The following PLEKHA7 variants were observed in gnomAD, a reference collection of about 807,000 sequenced individuals.
PLEKHA7 encodes the protein pleckstrin homology domain-containing family A member 7.
In PLEKHA7, 104 loss-of-function variants were observed where a neutral mutation model predicts 170.0. That is an observed-to-expected ratio of 0.61 (90% CI 0.52 to 0.72). PLEKHA7 has a LOEUF of 0.72. Among genes scored for constraint, PLEKHA7 ranks in the 30% least tolerant of loss-of-function variants. The pLI is 0.00. For synonymous variants in PLEKHA7, 648 were observed against 660.8 expected, an observed-to-expected ratio of 0.98 and a Z score of 0.30; for missense variants, 1,615 against 1,671.7, an observed-to-expected ratio of 0.97 and a Z score of 0.59.
At chr11:16,797,128 G>A (rs1848288229) in intron 17 of PLEKHA7, among the ~76,000 whole-genome samples, 1 of 152,176 alleles carries the variant, frequency 6.6e-6, no homozygotes, top group African/African-American at 2.4e-5. Context: ...ATATGATCAT[G>A]TGCATTCTGA....
intron 9 of PLEKHA7, among the ~76,000 whole-genome samples, chr11:16,830,409 G>A (rs1851019929): frequency 6.6e-6 from 1 of 152,214 alleles, no homozygotes; most frequent in Non-Finnish European, 1.5e-5. Context: ...TGAAGATTTA[G>A]AATCTTGCAT....
chr11:16,901,426 G>A (rs1488237310), intron 3 of PLEKHA7, among the ~76,000 whole-genome samples: 1 of 152,036 alleles, frequency 6.6e-6, no homozygotes, highest in Admixed American at 6.6e-5. Context: ...ACTGCATGGG[G>A]GTTTATCCTT....
At chr11:16,831,107 T>C (rs952083651) in intron 9 of PLEKHA7, among the ~76,000 whole-genome samples, 1 of 152,130 alleles carries the variant, frequency 6.6e-6, no homozygotes, top group South Asian at 2.1e-4. Context: ...CCTGAAGACT[T>C]TGGGGTTATG....
intron 10 of PLEKHA7, 94 bp downstream of exon 10, chr11:16,826,026 G>A: frequency 1.6e-6 from 2 of 1,281,838 alleles, no homozygotes; most frequent in Non-Finnish European, 2.2e-6. Flanking sequence ...AGAGTTTAAG[G>A]CTGCCCTTAC....
intron 13 of PLEKHA7, among the ~76,000 whole-genome samples, chr11:16,807,391 G>A (rs1590183184): frequency 6.6e-6 from 1 of 152,196 alleles, no homozygotes; most frequent in East Asian, 1.9e-4. Flanking sequence ...TACTTCCATG[G>A]GACCGTGGAT....
At position 16,789,424 on chromosome 11, in the gene PLEKHA7, C is replaced by T. The variant is rs996021382; in HGVS notation, c.3157-128G>A. The T allele has an allele frequency of 1.1e-4, 99 of 882,350 alleles. No individual in the cohort carries two copies. Among genetic ancestry groups the T allele is most frequent in the Non-Finnish European group, 1.6e-4 (92 of 568,108 alleles). The allele number at this position is 882,350 out of a possible 1,614,324, so 54.7% of individuals were successfully genotyped here. A position where few individuals can be genotyped will look rare whatever the true frequency, so the allele number is the denominator to read the frequency against. ...ACATGCACACTCTAGTTGGGCTCCT[C>T]TTGGCCTTAGAGAACTATTTCCTCT... On this transcript the variant is annotated intron_variant, in intron 22 of 26. Coordinates refer to ENST00000531066, the MANE Select transcript of PLEKHA7 (RefSeq NM_001329630.2). This position sits in a 1 kb window ranked among gnomAD's most constrained non-coding sequence, Gnocchi z 4.6.
At chr11:16,935,289 T>G (rs1347850577) in intron 3 of PLEKHA7, among the ~76,000 whole-genome samples, 1 of 152,186 alleles carries the variant, frequency 6.6e-6, no homozygotes, top group Non-Finnish European at 1.5e-5. Flanking sequence ...CAACATTAGC[T>G]GGGCATGGTG....
chr11:16,790,936 G>T (rs1317506653), intron 20 of PLEKHA7, 21 bp from the exon 21 acceptor site: 1 of 1,613,700 alleles, frequency 6.2e-7, no homozygotes, highest in Admixed American at 1.7e-5. Context: ...AGTCCCAGGT[G>T]ATGTGACCTG....
intron 3 of PLEKHA7, among the ~76,000 whole-genome samples, chr11:16,914,702 A>C (rs1411013365): frequency 2.0e-5 from 3 of 152,212 alleles, no homozygotes; most frequent in Non-Finnish European, 4.4e-5. Flanking sequence ...ACCACTATTT[A>C]TCAATGTCCA....
At chr11:16,914,123 C>G (rs975133965) in intron 3 of PLEKHA7, among the ~76,000 whole-genome samples, 1 of 151,612 alleles carries the variant, frequency 6.6e-6, no homozygotes, top group Admixed American at 6.6e-5. Context: ...CACATGATAT[C>G]GTAAGTGCAT....
In PLEKHA7 at chr11:16,800,956, G is replaced by C; in HGVS notation, c.2409+18C>G. ...CAAAAAACAAGAGCTCAGAAGAGAT[G>C]GACAGGTATCAGGTCACCTGGAAAA... On this transcript the variant is annotated intron_variant, in intron 17 of 26. Coordinates refer to ENST00000531066, the MANE Select transcript of PLEKHA7 (RefSeq NM_001329630.2). 1.3e-6 allele frequency: 2 copies of C among 1,595,732 alleles called. No individual in the cohort carries two copies. Among genetic ancestry groups the C allele is most frequent in the Non-Finnish European group, 8.6e-7 (1 of 1,163,370 alleles).
intron 13 of PLEKHA7, among the ~76,000 whole-genome samples, chr11:16,806,601 G>C (rs556366561): frequency 6.6e-6 from 1 of 152,300 alleles, no homozygotes; most frequent in Admixed American, 6.5e-5. Context: ...GGAATGCTGT[G>C]AGAGCTGGCC....
intron 3 of PLEKHA7, among the ~76,000 whole-genome samples, chr11:16,979,349 G>T (rs568453904): frequency 6.6e-5 from 10 of 151,964 alleles, no homozygotes; most frequent in African/African-American, 1.7e-4. Flanking sequence ...TTCTTTACTC[G>T]AGTGCCTCAA....
intron 3 of PLEKHA7, among the ~76,000 whole-genome samples, chr11:16,878,620 G>A (rs1030025722): frequency 2.6e-5 from 4 of 152,156 alleles, no homozygotes; most frequent in African/African-American, 9.7e-5. Flanking sequence ...ATTTGAGATG[G>A]AGTCTCACTC....
intron 3 of PLEKHA7, among the ~76,000 whole-genome samples, chr11:16,999,676 C>T (rs917658560): frequency 2.0e-5 from 3 of 152,218 alleles, no homozygotes; most frequent in African/African-American, 7.2e-5. Flanking sequence ...AGGAAAGAGA[C>T]TCACAATGCC....
At chr11:16,956,626 A>C (rs1246162888) in intron 3 of PLEKHA7, among the ~76,000 whole-genome samples, 1 of 152,212 alleles carries the variant, frequency 6.6e-6, no homozygotes, top group Admixed American at 6.5e-5. Flanking sequence ...AGTTATACCT[A>C]ATCCAGGTCT....
chr11:16,852,224 C>A, intron 7 of PLEKHA7, 59 bp downstream of exon 7: 9 of 1,481,932 alleles, frequency 6.1e-6, no homozygotes, highest in Non-Finnish European at 8.5e-6. Flanking sequence ...AAGTCACCAA[C>A]CATCCACATA....
Position 16,783,350 on chromosome 11 carries a change from C to T in PLEKHA7, c.3650+350G>A, listed in dbSNP as rs539082462. 3.3e-5 allele frequency among the ~76,000 whole-genome samples: 5 copies of T among 152,328 alleles called. No individual in the cohort carries two copies. In the East Asian group the frequency reaches 5.8e-4, roughly 18 times the overall value. On this transcript the variant is annotated intron_variant, in intron 25 of 26. Coordinates refer to ENST00000531066, the MANE Select transcript of PLEKHA7 (RefSeq NM_001329630.2). ...TGGTCTGCATGAGGGTGCACAGGCCCGAATGCTGGCAGGCCATCACTGGAG... is the reference window on the plus strand; with the variant it reads ...TGGTCTGCATGAGGGTGCACAGGCCTGAATGCTGGCAGGCCATCACTGGAG...
rs192057284 is a variant in PLEKHA7, at chr11:16,852,112, G to A, written c.595+171C>T. Among the ~76,000 whole-genome samples the A allele has an allele frequency of 2.2e-3, 328 of 152,244 alleles. 1 individual carries two copies. The highest frequency in any genetic ancestry group is 7.5e-3 in the African/African-American group (313 of 41,534). ...CCTATGTCCCAAATGGGACAGAAACGGAAATGACTCTGAATCCTGAGACCC... is the reference window on the plus strand; with the variant it reads ...CCTATGTCCCAAATGGGACAGAAACAGAAATGACTCTGAATCCTGAGACCC... On this transcript the variant is annotated intron_variant, in intron 7 of 26. Transcript: ENST00000531066.
Sources: gnomAD v4.1 joint callset for allele counts (sites outside exome capture counted in the v4.1 genomes callset) on GRCh38, gnomAD v4.1.1 for gene constraint, Gnocchi (gnomAD v3.1) non-coding constraint, MANE v1.5 for transcripts, NCBI Gene and HGNC (gene_info 2026-07-23, HGNC 2026-07-21) for gene names.